The following SLC17A1 variants were observed in gnomAD, a reference collection of about 807,000 sequenced individuals.
The protein encoded by SLC17A1 is sodium-dependent phosphate transport protein 1.
SLC17A1 carries 51 observed loss-of-function variants against 53.5 expected under a neutral mutation model. That is an observed-to-expected ratio of 0.95 (90% CI 0.76 to 1.20). SLC17A1 has a LOEUF of 1.20. SLC17A1 is among the 50% of genes most tolerant of loss of function. SLC17A1 has a pLI of 0.00. For synonymous variants in SLC17A1, 179 were observed against 198.8 expected, an observed-to-expected ratio of 0.90 and a Z score of 0.84; for missense variants, 538 against 568.2, an observed-to-expected ratio of 0.95 and a Z score of 0.54.
chr6:25,819,232 A>AT, intron 5 of SLC17A1, 78 bp from the exon 6 acceptor site: 1 of 983,512 alleles, frequency 1.0e-6, no homozygotes, highest in Non-Finnish European at 1.5e-6. Context: ...CACTGTAGCA[A>AT]TGAACAATTT....
At chr6:25,807,066 T>C (rs555183803) in intron 10 of SLC17A1, among the ~76,000 whole-genome samples, 12 of 152,276 alleles carry the variant, frequency 7.9e-5, no homozygotes, top group African/African-American at 2.4e-4. Context: ...GATTGCTTAA[T>C]ACACTGCTGA....
chr6:25,826,087 A>G (rs974928935), intron 3 of SLC17A1, among the ~76,000 whole-genome samples: 6 of 152,120 alleles, frequency 3.9e-5, no homozygotes, highest in Admixed American at 2.0e-4. Context: ...TCTTCCAGAG[A>G]TGAAATTAAT....
chr6:25,805,662 A>G (rs1052340820), intron 10 of SLC17A1, among the ~76,000 whole-genome samples: 1 of 152,016 alleles, frequency 6.6e-6, no homozygotes, highest in Non-Finnish European at 1.5e-5. Flanking sequence ...CAAATAAAAC[A>G]CAATTAGAAA....
the SLC17A1 span, chr6:25,726,903 G>A: frequency 3.1e-6 from 5 of 1,608,884 alleles, no homozygotes; most frequent in Non-Finnish European, 4.2e-6. Context: ...GAAGTGTGTG[G>A]TAGCTATGCC....
At chr6:25,811,321 T>A in intron 10 of SLC17A1, 77 bp downstream of exon 10, 1 of 1,426,398 alleles carries the variant, frequency 7.0e-7, no homozygotes. Flanking sequence ...ATATTTTAAA[T>A]CATCATGTTG....
At chr6:25,737,270 T>A in the SLC17A1 span, among the ~76,000 whole-genome samples, 1 of 152,168 alleles carries the variant, frequency 6.6e-6, no homozygotes, top group African/African-American at 2.4e-5. Context: ...GCTTTTGCAT[T>A]TCTGATGACT....
At chr6:25,730,905 A>G in the SLC17A1 span, among the ~76,000 whole-genome samples, 2 of 152,226 alleles carry the variant, frequency 1.3e-5, no homozygotes, top group Non-Finnish European at 2.9e-5. Context: ...GACAACAGAA[A>G]TATGTAGGAA....
chr6:25,765,618 C>T, the SLC17A1 span, among the ~76,000 whole-genome samples: 4 of 151,746 alleles, frequency 2.6e-5, no homozygotes, highest in Non-Finnish European at 5.9e-5. Context: ...TGGAAGAAGT[C>T]CCAATATAGA....
At chr6:25,792,857 T>C (rs1370028021) in intron 12 of SLC17A1, among the ~76,000 whole-genome samples, 1 of 152,202 alleles carries the variant, frequency 6.6e-6, no homozygotes, top group Non-Finnish European at 1.5e-5. Context: ...TACATCCTAG[T>C]CTGCACTGCC....
downstream of SLC17A1, chr6:25,779,708 C>T (rs1260560200): frequency 6.6e-6 from 1 of 152,274 alleles, no homozygotes; most frequent in Admixed American, 6.5e-5. Context: ...TACACTTTAA[C>T]TCTTTCAGAC....
chr6:25,819,848 A>G lies in SLC17A1; in HGVS notation c.275T>C (p.Ile92Thr), dbSNP rs752024569. Reference protein sequence around the residue: ...IILSSTSYGVIIIQVPVGYFS... With the variant: ...IILSSTSYGVTIIQVPVGYFS... ...GTATCCAACAGGAACTTGGATGATG[A>G]TGACACCATAGGAGGTGGAACTCAA... The change falls in exon 4 of 13, where the codon ATC (isoleucine) becomes ACC (threonine). Residue 92 changes from isoleucine to threonine, a missense_variant. Coordinates refer to ENST00000244527, the MANE Select transcript of SLC17A1 (RefSeq NM_005074.5). 6.2e-7 allele frequency: 1 copy of G among 1,614,126 alleles called. No homozygotes were observed. The highest frequency in any genetic ancestry group is 8.5e-7 in the Non-Finnish European group (1 of 1,179,980).
chr6:25,732,084 T>A, the SLC17A1 span: 6 of 1,092,048 alleles, frequency 5.5e-6, no homozygotes, highest in Non-Finnish European at 7.6e-6. Flanking sequence ...GCGCTTTTTG[T>A]CCTCCTTCGA....
the SLC17A1 span, chr6:25,773,783 C>T: frequency 9.1e-7 from 1 of 1,100,974 alleles, no homozygotes; most frequent in African/African-American, 1.6e-5. Context: ...GGGATTAGGA[C>T]CAGGCAGGAC....
the SLC17A1 span, among the ~76,000 whole-genome samples, chr6:25,751,246 C>T: frequency 2.6e-5 from 4 of 152,150 alleles, no homozygotes; most frequent in Non-Finnish European, 4.4e-5. Flanking sequence ...AGCCCTGAAG[C>T]TATAATTAAA....
At chr6:25,749,700 C>A in the SLC17A1 span, among the ~76,000 whole-genome samples, 1 of 152,220 alleles carries the variant, frequency 6.6e-6, no homozygotes, top group South Asian at 2.1e-4. Context: ...TACTCGACCC[C>A]ATGGTAGAAT....
At chr6:25,768,175 C>T in the SLC17A1 span, among the ~76,000 whole-genome samples, 5 of 152,274 alleles carry the variant, frequency 3.3e-5, no homozygotes, top group South Asian at 1.0e-3. Flanking sequence ...TAAATGCTCT[C>T]AGAGTTGAAC....
intron 2 of SLC17A1, among the ~76,000 whole-genome samples, chr6:25,827,289 T>A (rs1336223777): frequency 1.3e-5 from 2 of 152,142 alleles, no homozygotes; most frequent in Admixed American, 6.6e-5. Flanking sequence ...AAACAACACA[T>A]ACAGAAATGT....
the SLC17A1 span, among the ~76,000 whole-genome samples, chr6:25,762,998 C>G: frequency 6.6e-6 from 1 of 152,082 alleles, no homozygotes; most frequent in African/African-American, 2.4e-5. Flanking sequence ...GGTAAAAGCA[C>G]GGGTCAGAAA....
the SLC17A1 span, among the ~76,000 whole-genome samples, chr6:25,775,946 T>C: frequency 6.6e-6 from 1 of 152,216 alleles, no homozygotes; most frequent in African/African-American, 2.4e-5. Flanking sequence ...TTTCCCATCT[T>C]TGAGCAATGC....
Sources: allele counts gnomAD v4.1 joint callset (sites outside exome capture counted in the v4.1 genomes callset), GRCh38; gene constraint gnomAD v4.1.1; transcripts MANE v1.5; gene names NCBI Gene and HGNC (gene_info 2026-07-23, HGNC 2026-07-21).